PAX5: variants seen among roughly 807,000 people sequenced by gnomAD.
PAX5 encodes the protein paired box protein Pax-5.
In PAX5, 9 loss-of-function variants were observed where a neutral mutation model predicts 43.7. The observed-to-expected ratio is 0.21, with a 90% CI of 0.12 to 0.36. PAX5 has a LOEUF of 0.36. Ranked by LOEUF, PAX5 falls within the 10% of genes least tolerant of loss-of-function variation. PAX5 has a pLI of 1.00. For synonymous variants in PAX5, 228 were observed against 214.3 expected, an observed-to-expected ratio of 1.06 and a Z score of -0.56; for missense variants, 383 against 532.7, an observed-to-expected ratio of 0.72 and a Z score of 2.77.
chr9:36,995,641 T>C (rs1837326489), intron 5 of PAX5, among the ~76,000 whole-genome samples: 1 of 152,142 alleles, frequency 6.6e-6, no homozygotes, highest in African/African-American at 2.4e-5. Flanking sequence ...CCATCCTCTC[T>C]CTCTAGGTTT....
chr9:37,001,779 G>A (rs1207552949), intron 5 of PAX5, among the ~76,000 whole-genome samples: 9 of 147,014 alleles, frequency 6.1e-5, no homozygotes, highest in Non-Finnish European at 3.0e-5. Context: ...TTTCTGTCAT[G>A]CTGCTCTCAG....
chr9:36,955,250 T>C (rs985447635), intron 6 of PAX5, among the ~76,000 whole-genome samples: 3 of 152,304 alleles, frequency 2.0e-5, no homozygotes, highest in African/African-American at 7.2e-5. Context: ...TTGGGTGGTT[T>C]GACATTTTTA....
chr9:36,840,660 C>T lies in PAX5; in HGVS notation c.1100-24G>A, dbSNP rs187268893. On this transcript the variant is annotated intron_variant, in intron 9 of 9. Transcript: ENST00000358127. ...GCCTGGAAGAGACGGGAGAGAGCACCGAGGTCAGATCCGGGGTCCCCTTTC... is the reference window on the plus strand; with the variant it reads ...GCCTGGAAGAGACGGGAGAGAGCACTGAGGTCAGATCCGGGGTCCCCTTTC... 3.3e-5 allele frequency: 49 copies of T among 1,492,652 alleles called. No individual in the cohort carries two copies. In the East Asian group the frequency reaches 7.6e-4, roughly 23 times the overall value. 92.5% of individuals were successfully genotyped at this position (1,492,652 alleles called of 1,614,324 possible). A position where few individuals can be genotyped will look rare whatever the true frequency, so the allele number is the denominator to read the frequency against.
At chr9:36,898,059 T>C (rs953964874) in intron 7 of PAX5, among the ~76,000 whole-genome samples, 2 of 152,168 alleles carry the variant, frequency 1.3e-5, no homozygotes, top group Non-Finnish European at 2.9e-5. Flanking sequence ...ATGGGAACCA[T>C]GCCCCTTGCT....
intron 8 of PAX5, among the ~76,000 whole-genome samples, chr9:36,876,670 C>T (rs1163311227): frequency 2.6e-5 from 4 of 152,154 alleles, no homozygotes. Flanking sequence ...TTTTCTGGGA[C>T]TTGATGGAAA....
chr9:37,027,974 G>C (rs892525305), intron 1 of PAX5, among the ~76,000 whole-genome samples: 1 of 152,264 alleles, frequency 6.6e-6, no homozygotes, highest in African/African-American at 2.4e-5. Flanking sequence ...GAGGGGAAAG[G>C]GGCCCACGCA....
chr9:36,957,128 C>T (rs1833557476), intron 6 of PAX5, among the ~76,000 whole-genome samples: 1 of 152,246 alleles, frequency 6.6e-6, no homozygotes, highest in Non-Finnish European at 1.5e-5. Context: ...GGCGGCATCG[C>T]TGTGCCTTGC....
intron 8 of PAX5, among the ~76,000 whole-genome samples, chr9:36,872,829 C>G (rs768176365): frequency 6.6e-6 from 1 of 152,228 alleles, no homozygotes; most frequent in African/African-American, 2.4e-5. Flanking sequence ...CTGGGCAGAG[C>G]CTGCCCTCTG....
At chr9:36,994,097 G>A (rs1470980248) in intron 5 of PAX5, among the ~76,000 whole-genome samples, 1 of 152,174 alleles carries the variant, frequency 6.6e-6, no homozygotes, top group Non-Finnish European at 1.5e-5. Context: ...CCCACCCGTG[G>A]GACAGGCCCT....
intron 1 of PAX5, among the ~76,000 whole-genome samples, chr9:37,024,061 G>T (rs866046316): frequency 6.6e-6 from 1 of 152,198 alleles, no homozygotes; most frequent in Non-Finnish European, 1.5e-5. Flanking sequence ...ACCAGCTCCA[G>T]CTGTGCCAAT....
rs2132473092 is a variant in PAX5, at chr9:37,015,251, C to A, written c.213-57G>T. 6.7e-7 allele frequency: 1 copy of A among 1,488,750 alleles called. No individual in the cohort carries two copies. The highest frequency in any genetic ancestry group is 9.4e-7 in the Non-Finnish European group (1 of 1,068,220). The allele number at this position is 1,488,750 out of a possible 1,614,324, so 92.2% of individuals were successfully genotyped here. ...GAGGAACCAGTAAAGTGGATATTGG[C>A]AACAAAATAACGGGCTACTCTGGCC... On this transcript the variant is annotated intron_variant, in intron 2 of 9. Transcript: ENST00000358127. The surrounding 1 kb of genome is among the most constrained non-coding windows in gnomAD (Gnocchi z 4.4).
At chr9:36,968,830 C>T (rs1834678250) in intron 5 of PAX5, among the ~76,000 whole-genome samples, 1 of 152,338 alleles carries the variant, frequency 6.6e-6, no homozygotes, top group South Asian at 2.1e-4. Context: ...TGGGAGCTCA[C>T]GGCCCAGTCT....
chr9:36,921,268 T>C (rs1830150598), intron 7 of PAX5, among the ~76,000 whole-genome samples: 1 of 152,234 alleles, frequency 6.6e-6, no homozygotes, highest in African/African-American at 2.4e-5. Context: ...AATCTTCTCA[T>C]AAACTCTGAT....
At chr9:36,926,881 C>T (rs1830684629) in intron 6 of PAX5, among the ~76,000 whole-genome samples, 1 of 152,158 alleles carries the variant, frequency 6.6e-6, no homozygotes, top group South Asian at 2.1e-4. Flanking sequence ...GAAATTCCAT[C>T]CAAGAGGGAC....
At chr9:36,890,357 G>A (rs1827272982) in intron 7 of PAX5, among the ~76,000 whole-genome samples, 1 of 152,168 alleles carries the variant, frequency 6.6e-6, no homozygotes, top group Admixed American at 6.5e-5. Context: ...GCCCAGAGGA[G>A]GGAGATCTTA....
chr9:37,026,817 G>C, intron 1 of PAX5: 1 of 697,368 alleles, frequency 1.4e-6, no homozygotes, highest in Non-Finnish European at 1.8e-6. Flanking sequence ...ACTCCGGCTG[G>C]CTTCCCTCCC....
In PAX5 at chr9:36,923,367, G is replaced by T; in HGVS notation, c.898C>A (p.Pro300Thr). ...CAGGTGCCCTCACCTGTCACAATGGGGTAGGACTGCGGGCCTGGCACACTG... is the reference window on the plus strand; with the variant it reads ...CAGGTGCCCTCACCTGTCACAATGGTGTAGGACTGCGGGCCTGGCACACTG... ...GSSVPGPQSY[P>T]IVTGRDLAST... Residue 300 changes from proline to threonine, a missense_variant, in exon 7 of 10, where the codon CCC becomes ACC. This residue lies in a region of PAX5 where 291 missense variants were observed against 342.5 expected (regional missense o/e 0.85). Coordinates refer to ENST00000358127, the MANE Select transcript of PAX5 (RefSeq NM_016734.3). 6.2e-7 allele frequency: 1 copy of T among 1,612,676 alleles called. No homozygotes were observed. Among genetic ancestry groups the T allele is most frequent in the Non-Finnish European group, 8.5e-7 (1 of 1,179,824 alleles).
At chr9:36,919,646 T>A (rs1219511050) in intron 7 of PAX5, among the ~76,000 whole-genome samples, 1 of 151,956 alleles carries the variant, frequency 6.6e-6, no homozygotes, top group Non-Finnish European at 1.5e-5. Context: ...GTTAAGACCA[T>A]CCTGGTCAAG....
At chr9:36,967,632 G>A (rs1387060073) in intron 5 of PAX5, among the ~76,000 whole-genome samples, 1 of 152,214 alleles carries the variant, frequency 6.6e-6, no homozygotes, top group African/African-American at 2.4e-5. Flanking sequence ...TGTAAAAAAG[G>A]AAGAAAATAA....
Sources: gnomAD v4.1 joint callset for allele counts (sites outside exome capture counted in the v4.1 genomes callset) on GRCh38, gnomAD v4.1.1 for gene constraint, gnomAD v4.1.1 regional missense constraint, Gnocchi (gnomAD v3.1) non-coding constraint, MANE v1.5 for transcripts, NCBI Gene and HGNC (gene_info 2026-07-23, HGNC 2026-07-21) for gene names.